Variants in CD247 observed in about 807,000 individuals in gnomAD.
CD247 encodes CD247 molecule.
CD247 carries 13 observed loss-of-function variants against 30.0 expected under a neutral mutation model. The observed-to-expected ratio is 0.43, with a 90% CI of 0.28 to 0.69. CD247 has a LOEUF of 0.69. Ranked by LOEUF, CD247 falls within the 30% of genes least tolerant of loss-of-function variation. The pLI is 0.16. For missense variants in CD247, 193 were observed against 212.6 expected (o/e 0.91, Z 0.57); for synonymous variants, 72 against 80.0 (o/e 0.90, Z 0.53).
intron 1 of CD247, among the ~76,000 whole-genome samples, chr1:167,461,574 G>A (rs1233042778): frequency 6.6e-6 from 1 of 152,176 alleles, no homozygotes; most frequent in Non-Finnish European, 1.5e-5. Flanking sequence ...AGTCGGCCGG[G>A]CGTGGTGGCT....
chr1:167,495,635 G>T lies in CD247; in HGVS notation c.58+22773C>A, dbSNP rs1292236427. On this transcript the variant is annotated intron_variant, in intron 1 of 7. Coordinates refer to ENST00000362089, the MANE Select transcript of CD247 (RefSeq NM_198053.3). ...ACCTCCATCTCACTTAGAGCAAAAT[G>T]TCCTTCAAGCTTGTTTGCAACTGTC... is the stretch of plus-strand genomic sequence containing the variant. Among the ~76,000 whole-genome samples the T allele has an allele frequency of 2.0e-5, 3 of 152,116 alleles. No homozygotes were observed. In the East Asian group the frequency reaches 5.8e-4, roughly 29 times the overall value.
At chr1:167,505,728 A>G (rs1182063660) in intron 1 of CD247, among the ~76,000 whole-genome samples, 2 of 152,250 alleles carry the variant, frequency 1.3e-5, no homozygotes, top group African/African-American at 4.8e-5. Context: ...ACTGACAGCT[A>G]TCTGGTAGGG....
chr1:167,485,938 GAA>G (rs1654189073), intron 1 of CD247, among the ~76,000 whole-genome samples: 1 of 151,448 alleles, frequency 6.6e-6, no homozygotes, highest in Non-Finnish European at 1.5e-5. Context: ...TTAACTGAAA[GAA>G]AACGACTGGA....
At chr1:167,441,129 G>A (rs997666051) in intron 1 of CD247, among the ~76,000 whole-genome samples, 2 of 152,196 alleles carry the variant, frequency 1.3e-5, no homozygotes, top group African/African-American at 2.4e-5. Context: ...TGGAAGCCTC[G>A]GGAAGATGTT....
At position 167,490,131 on chromosome 1, in the gene CD247, C is replaced by T. The variant is rs1182305769; in HGVS notation, c.58+28277G>A. On this transcript the variant is annotated intron_variant, in intron 1 of 7. Transcript: ENST00000362089. The stretch of plus-strand genomic sequence containing the variant: ...AAGCAAGCAATGTCCCCAAGCAAAT[C>T]CATATATCCGGGACCTACGGCGGCG... Among the ~76,000 whole-genome samples the T allele has an allele frequency of 2.0e-5, 3 of 152,040 alleles. No individual in the cohort carries two copies. In the East Asian group the frequency reaches 5.8e-4, roughly 29 times the overall value.
chr1:167,503,779 G>T (rs543341127), intron 1 of CD247, among the ~76,000 whole-genome samples: 1 of 152,198 alleles, frequency 6.6e-6, no homozygotes, highest in Non-Finnish European at 1.5e-5. Context: ...GGGGCCAGGT[G>T]AGGACTTGGC....
chr1:167,508,377 A>G (rs1157909231), intron 1 of CD247, among the ~76,000 whole-genome samples: 1 of 152,236 alleles, frequency 6.6e-6, no homozygotes, highest in Non-Finnish European at 1.5e-5. Flanking sequence ...AAGTTTTTAA[A>G]GGGGATTTCA....
At chr1:167,451,539 C>T (rs1349165144) in intron 1 of CD247, among the ~76,000 whole-genome samples, 1 of 152,174 alleles carries the variant, frequency 6.6e-6, no homozygotes, top group Admixed American at 6.5e-5. Context: ...CCTACTCTTG[C>T]CCCATAAACC....
At chr1:167,504,108 G>A (rs1243531953) in intron 1 of CD247, among the ~76,000 whole-genome samples, 2 of 152,130 alleles carry the variant, frequency 1.3e-5, no homozygotes, top group Non-Finnish European at 2.9e-5. Context: ...CGGGGGGAGC[G>A]AGGGCAGGCT....
At chr1:167,482,496 C>G (rs900160221) in intron 1 of CD247, among the ~76,000 whole-genome samples, 1 of 152,208 alleles carries the variant, frequency 6.6e-6, no homozygotes, top group Admixed American at 6.5e-5. Context: ...CACTTCTGCA[C>G]TAAGAGTTGC....
At position 167,481,653 on chromosome 1, in the gene CD247, C is replaced by A. The variant is rs138409444; in HGVS notation, c.58+36755G>T. Among the ~76,000 whole-genome samples the A allele has an allele frequency of 6.6e-5, 10 of 152,288 alleles. No individual in the cohort carries two copies. In the East Asian group the frequency reaches 1.9e-3, roughly 29 times the overall value. ...GATGCAGTAAGTTCATCGCACAATCCAGCAGTGAGCACAAGGGTCTCATTG... is the reference window on the plus strand; with the variant it reads ...GATGCAGTAAGTTCATCGCACAATCAAGCAGTGAGCACAAGGGTCTCATTG... On this transcript the variant is annotated intron_variant, in intron 1 of 7. Transcript: ENST00000362089.
chr1:167,497,456 G>A (rs1010808378), intron 1 of CD247, among the ~76,000 whole-genome samples: 2 of 152,098 alleles, frequency 1.3e-5, no homozygotes, highest in Non-Finnish European at 2.9e-5. Context: ...CAGTGAAATC[G>A]CTGACTACAG....
intron 1 of CD247, among the ~76,000 whole-genome samples, chr1:167,463,149 G>C (rs1653096149): frequency 1.3e-5 from 2 of 152,178 alleles, no homozygotes; most frequent in African/African-American, 4.8e-5. Context: ...AGCATGGGTT[G>C]CTCTCGGCTG....
intron 1 of CD247, among the ~76,000 whole-genome samples, chr1:167,483,694 G>A (rs1405772548): frequency 1.3e-5 from 2 of 152,352 alleles, no homozygotes; most frequent in South Asian, 2.1e-4. Context: ...AGATAGCAAG[G>A]CCACATCACC....
chr1:167,448,142 T>G (rs749949329), intron 1 of CD247, among the ~76,000 whole-genome samples: 26 of 152,224 alleles, frequency 1.7e-4, no homozygotes, highest in Non-Finnish European at 3.2e-4. Context: ...GTAATAGTTA[T>G]AACCACTGGT....
intron 1 of CD247, among the ~76,000 whole-genome samples, chr1:167,505,427 G>A (rs1364921661): frequency 6.6e-6 from 1 of 152,228 alleles, no homozygotes; most frequent in African/African-American, 2.4e-5. Flanking sequence ...TTACTTGTAT[G>A]TGTTTGCATG....
rs35883030 is a variant in CD247 at position 167,517,542 on chromosome 1, A to C, written c.58+866T>G. The stretch of plus-strand genomic sequence containing the variant: ...ATGGTGGAAGCTAAAGGCTTGCAGC[A>C]AAGCTGGGCTCCCACGATCGGGAAT... On this transcript the variant is annotated intron_variant, in intron 1 of 7. Transcript: ENST00000362089. Among the ~76,000 whole-genome samples the C allele has an allele frequency of 2.6e-5, 4 of 152,368 alleles. No individual in the cohort carries two copies. In the East Asian group the frequency reaches 7.7e-4, roughly 29 times the overall value.
At chr1:167,513,904 A>G (rs1379662134) in intron 1 of CD247, among the ~76,000 whole-genome samples, 1 of 152,350 alleles carries the variant, frequency 6.6e-6, no homozygotes, top group East Asian at 1.9e-4. Context: ...CTCATTTCAA[A>G]TAATTCTAAT....
intron 1 of CD247, among the ~76,000 whole-genome samples, chr1:167,499,029 A>C (rs148512313): frequency 6.0e-4 from 92 of 152,270 alleles, no homozygotes; most frequent in Non-Finnish European, 1.1e-3. Context: ...TGGTCAACCT[A>C]ATGAGCAAAA....
Sources: gnomAD v4.1 joint callset for allele counts (sites outside exome capture counted in the v4.1 genomes callset) on GRCh38, gnomAD v4.1.1 for gene constraint, MANE v1.5 for transcripts, NCBI Gene and HGNC (gene_info 2026-07-23, HGNC 2026-07-21) for gene names.